The following ZNF438 variants were observed in gnomAD, a reference collection of about 807,000 sequenced individuals.
ZNF438 encodes the protein zinc finger protein 438.
Under a neutral mutation model 38.0 loss-of-function variants are expected in ZNF438, and 25 were observed. The ratio of observed to expected loss-of-function variants is 0.66; its 90% CI spans 0.48 to 0.92. The LOEUF is 0.92. Ranked by LOEUF, ZNF438 falls within the 40% of genes least tolerant of loss-of-function variation. ZNF438 has a pLI of 0.00. For synonymous variants in ZNF438, 372 were observed against 364.1 expected, an observed-to-expected ratio of 1.02 and a Z score of -0.25; for missense variants, 1,007 against 999.6, an observed-to-expected ratio of 1.01 and a Z score of -0.10.
chr10:30,919,220 T>C (rs2044003943), intron 2 of ZNF438: 1 of 152,254 alleles, frequency 6.6e-6, no homozygotes, highest in Non-Finnish European at 1.5e-5. Flanking sequence ...TTCAGACATC[T>C]GTATGTACGA....
chr10:30,924,567 T>C (rs1254342699), intron 2 of ZNF438, among the ~76,000 whole-genome samples: 1 of 152,232 alleles, frequency 6.6e-6, no homozygotes, highest in African/African-American at 2.4e-5. Context: ...GAATGGTCAA[T>C]TTCTGTTTAT....
At chr10:30,978,291 C>A (rs977060084) in intron 1 of ZNF438, among the ~76,000 whole-genome samples, 1 of 152,060 alleles carries the variant, frequency 6.6e-6, no homozygotes. Flanking sequence ...ACTTTTAATT[C>A]ATATATTCTT....
chr10:31,010,891 T>A lies in ZNF438; in HGVS notation c.-192+20942A>T, dbSNP rs376229265. Among the ~76,000 whole-genome samples, 253 of 43,400 alleles carry A rather than the reference T, an allele frequency of 5.8e-3. 1 individual carries two copies. The highest frequency in any genetic ancestry group is 0.038 in the African/African-American group (228 of 5,938). 28.5% of individuals were successfully genotyped at this position (43,400 alleles called of 152,430 possible). The stretch of plus-strand genomic sequence containing the variant: ...CTGGATAACGAAGTGAGACCCTGTT[T>A]GAAAAAAAAAAAAAAAAAAAAAAAA... On this transcript the variant is annotated intron_variant, in intron 1 of 5. Transcript: ENST00000413025.
intron 1 of ZNF438, among the ~76,000 whole-genome samples, chr10:30,958,218 T>G (rs1356875508): frequency 6.8e-6 from 1 of 146,716 alleles, no homozygotes. Flanking sequence ...CCAGACTGTA[T>G]AGAAAGGGGG....
intron 1 of ZNF438, among the ~76,000 whole-genome samples, chr10:30,955,802 T>C (rs915948356): frequency 6.6e-6 from 1 of 152,210 alleles, no homozygotes; most frequent in Middle Eastern, 3.2e-3. Flanking sequence ...TATTACAACG[T>C]TGATTTTTGT....
intron 5 of ZNF438, among the ~76,000 whole-genome samples, chr10:30,846,637 C>T (rs1256490250): frequency 6.6e-6 from 1 of 152,224 alleles, no homozygotes; most frequent in African/African-American, 2.4e-5. Flanking sequence ...TTACCAGGCA[C>T]AACTGCCTGC....
intron 1 of ZNF438, among the ~76,000 whole-genome samples, chr10:30,973,622 C>T (rs537571145): frequency 5.9e-5 from 9 of 152,198 alleles, no homozygotes; most frequent in African/African-American, 1.9e-4. Context: ...TCTCTCCCAC[C>T]CCCGGAAGCT....
rs73252632 is a variant in ZNF438 at position 30,932,547 on chromosome 10, T to C, written c.-115+9028A>G. Among the ~76,000 whole-genome samples, 288 of 152,320 alleles carry C rather than the reference T, an allele frequency of 1.9e-3. 1 individual carries two copies. Among genetic ancestry groups the C allele is most frequent in the African/African-American group, 6.5e-3 (270 of 41,564 alleles). On this transcript the variant is annotated intron_variant, in intron 2 of 5. Coordinates refer to ENST00000413025, the Ensembl canonical transcript of ZNF438. ...TGCATAGATGAGAGCACTGAGGCAGTGGGTAATCAGCTTACCCAAGATCAC... is the reference window on the plus strand; with the variant it reads ...TGCATAGATGAGAGCACTGAGGCAGCGGGTAATCAGCTTACCCAAGATCAC...
At chr10:30,890,083 C>CAAAAAA (rs71863439) in intron 3 of ZNF438, among the ~76,000 whole-genome samples, 2 of 93,374 alleles carry the variant, frequency 2.1e-5, no homozygotes, top group Non-Finnish European at 4.5e-5. Flanking sequence ...TTGGCATTTC[C>CAAAAAA]AAAAAAAAAA....
chr10:30,979,467 C>T (rs1053396672), intron 1 of ZNF438, among the ~76,000 whole-genome samples: 5 of 152,144 alleles, frequency 3.3e-5, no homozygotes, highest in Admixed American at 6.5e-5. Flanking sequence ...CAATCCTAAG[C>T]AAAAAGAACA....
chr10:31,012,973 G>C (rs952068410), intron 1 of ZNF438, among the ~76,000 whole-genome samples: 10 of 152,082 alleles, frequency 6.6e-5, no homozygotes, highest in African/African-American at 2.4e-4. Flanking sequence ...CTAAACCAAT[G>C]TAAGAGTCTA....
At chr10:30,977,439 C>T (rs1347470427) in intron 1 of ZNF438, among the ~76,000 whole-genome samples, 1 of 152,134 alleles carries the variant, frequency 6.6e-6, no homozygotes, top group Non-Finnish European at 1.5e-5. Context: ...TGCCATCTTC[C>T]ACGTGGTTTC....
At chr10:30,844,908 TGAAG>T (rs2031509753) in exon 6 of ZNF438, 1 of 1,570,616 alleles carries the variant, frequency 6.4e-7, no homozygotes. Context: ...CACGAAGCTC[TGAAG>T]GAAGGTGGCG....
intron 3 of ZNF438, among the ~76,000 whole-genome samples, chr10:30,892,428 A>G (rs1261297164): frequency 6.6e-6 from 1 of 152,224 alleles, no homozygotes; most frequent in South Asian, 2.1e-4. Context: ...ATCTTATTGT[A>G]CTGTATCTCA....
intron 1 of ZNF438, among the ~76,000 whole-genome samples, chr10:30,995,707 T>G (rs541271853): frequency 6.6e-6 from 1 of 152,322 alleles, no homozygotes; most frequent in Admixed American, 6.5e-5. Flanking sequence ...GCTAACAACA[T>G]TTACTGCTAT....
intron 1 of ZNF438, among the ~76,000 whole-genome samples, chr10:31,009,934 C>T (rs2055513393): frequency 6.6e-6 from 1 of 151,110 alleles, no homozygotes; most frequent in Admixed American, 6.6e-5. Flanking sequence ...CTGCAACCTC[C>T]ACCTCCCAAG....
intron 4 of ZNF438, among the ~76,000 whole-genome samples, chr10:30,872,646 A>G (rs562413817): frequency 1.7e-4 from 25 of 147,060 alleles, no homozygotes; most frequent in Non-Finnish European, 2.8e-4. Flanking sequence ...GCTACTTGGG[A>G]GGCTGAGGCA....
intron 1 of ZNF438, among the ~76,000 whole-genome samples, chr10:31,020,094 T>C (rs552747243): frequency 1.3e-5 from 2 of 152,246 alleles, no homozygotes; most frequent in African/African-American, 2.4e-5. Context: ...ATTCACTGCA[T>C]GTACACAGAG....
intron 1 of ZNF438, among the ~76,000 whole-genome samples, chr10:30,985,522 A>T (rs2052672427): frequency 6.6e-6 from 1 of 152,332 alleles, no homozygotes; most frequent in South Asian, 2.1e-4. Context: ...CAACCAGAAA[A>T]ATCAGTTAAT....
Sources: allele counts gnomAD v4.1 joint callset (sites outside exome capture counted in the v4.1 genomes callset), GRCh38; gene constraint gnomAD v4.1.1; transcripts MANE v1.5; gene names NCBI Gene and HGNC (gene_info 2026-07-23, HGNC 2026-07-21).